The following ACSBG1 variants were observed in gnomAD, a reference collection of about 807,000 sequenced individuals.
The protein encoded by ACSBG1 is acyl-CoA synthetase bubblegum family member 1, also known as long-chain-fatty-acid--CoA ligase ACSBG1.
Under a neutral mutation model 80.2 loss-of-function variants are expected in ACSBG1, and 39 were observed. That is an observed-to-expected ratio of 0.49 (90% CI 0.38 to 0.64). The LOEUF (loss-of-function observed/expected upper bound fraction) is 0.64, where lower values mean the gene tolerates loss of function less well. ACSBG1 is among the 30% of genes least tolerant of loss of function. The probability of loss-of-function intolerance (pLI) is 0.00; values close to 1 mark genes in which losing one functional copy is unlikely to be tolerated. For synonymous variants in ACSBG1, 392 were observed against 379.5 expected (o/e 1.03, Z -0.38); for missense variants, 828 against 966.4 (o/e 0.86, Z 1.90).
chr15:78,181,779 C>T (rs1359509202), intron 8 of ACSBG1, among the ~76,000 whole-genome samples, 190 bp downstream of exon 8: 1 of 152,192 alleles, frequency 6.6e-6, no homozygotes, highest in African/African-American at 2.4e-5. Context: ...AGGCGTGAGC[C>T]ACCGTGCCCG....
At chr15:78,232,833 T>G (rs1053256091) in intron 1 of ACSBG1, among the ~76,000 whole-genome samples, 3 of 152,096 alleles carry the variant, frequency 2.0e-5, no homozygotes, top group African/African-American at 4.8e-5. Context: ...TACAGGCACG[T>G]ACCACCACCT....
chr15:78,193,868 C>CT, intron 4 of ACSBG1, 64 bp downstream of exon 4: 1 of 1,572,126 alleles, frequency 6.4e-7, no homozygotes, highest in Non-Finnish European at 8.7e-7. Context: ...GAGATAAGGA[C>CT]CCTCCCCTAC....
chr15:78,173,252 G>A (rs1335086666), intron 13 of ACSBG1, among the ~76,000 whole-genome samples: 1 of 149,876 alleles, frequency 6.7e-6, no homozygotes, highest in African/African-American at 2.5e-5. Flanking sequence ...GGCTGAGGCA[G>A]GAGAATCACT....
chr15:78,179,893 C>T, intron 9 of ACSBG1, 113 bp from the exon 10 acceptor site: 2 of 890,548 alleles, frequency 2.2e-6, no homozygotes, highest in South Asian at 1.7e-5. Context: ...AACACCCTGG[C>T]TCGGCCATTC....
At position 78,209,531 on chromosome 15, in the gene ACSBG1, A is replaced by C. The variant is rs371435564; in HGVS notation, c.132-1429T>G. Among the ~76,000 whole-genome samples, 18 of 152,226 alleles carry C rather than the reference A, an allele frequency of 1.2e-4. No homozygotes were observed. The East Asian group carries it at 3.3e-3, about 28-fold the overall frequency. ...GCAGAACTCGTCCTACTGACTTTGG[A>C]TCCTTGGTTACAGCTCTCTGGGATA... On this transcript the variant is annotated intron_variant, in intron 1 of 13. Coordinates refer to ENST00000258873, the MANE Select transcript of ACSBG1 (RefSeq NM_015162.5).
At chr15:78,218,730 G>T (rs2075332835) in intron 1 of ACSBG1, among the ~76,000 whole-genome samples, 1 of 151,434 alleles carries the variant, frequency 6.6e-6, no homozygotes, top group South Asian at 2.1e-4. Flanking sequence ...TAGTAATGGG[G>T]ATGATTGAGT....
At chr15:78,190,997 A>G (rs1331901469) in intron 5 of ACSBG1, among the ~76,000 whole-genome samples, 1 of 152,246 alleles carries the variant, frequency 6.6e-6, no homozygotes, top group Non-Finnish European at 1.5e-5. Flanking sequence ...GCAAGACTCA[A>G]CTATGTGCTG....
At chr15:78,181,886 C>T (rs768633378) in intron 8 of ACSBG1, 83 bp downstream of exon 8, 41 of 1,522,366 alleles carry the variant, frequency 2.7e-5, no homozygotes, top group Non-Finnish European at 3.6e-5. Flanking sequence ...AGCACACACA[C>T]AAATGCACTC....
At chr15:78,228,336 T>TA (rs1016874324) in intron 1 of ACSBG1, among the ~76,000 whole-genome samples, 6 of 152,054 alleles carry the variant, frequency 3.9e-5, no homozygotes, top group Non-Finnish European at 7.4e-5. Flanking sequence ...GCTGAAGAGG[T>TA]AAGTAGTGAG....
chr15:78,217,301 C>T (rs1489349934), intron 1 of ACSBG1, among the ~76,000 whole-genome samples: 2 of 152,224 alleles, frequency 1.3e-5, no homozygotes, highest in Non-Finnish European at 2.9e-5. Flanking sequence ...AGCACCCTCA[C>T]TTTACAGATG....
intron 2 of ACSBG1, among the ~76,000 whole-genome samples, chr15:78,195,714 A>G (rs912892968): frequency 6.6e-6 from 1 of 152,074 alleles, no homozygotes; most frequent in Non-Finnish European, 1.5e-5. Flanking sequence ...GGAAGCTTGG[A>G]TGGGTGGTCT....
At chr15:78,187,141 G>C (rs971792797) in intron 5 of ACSBG1, among the ~76,000 whole-genome samples, 6 of 152,158 alleles carry the variant, frequency 3.9e-5, no homozygotes, top group African/African-American at 1.2e-4. Flanking sequence ...TTGACTCTCT[G>C]AATAGACCAA....
intron 1 of ACSBG1, among the ~76,000 whole-genome samples, chr15:78,208,660 T>C (rs754462085): frequency 2.0e-5 from 3 of 152,158 alleles, no homozygotes; most frequent in Admixed American, 6.5e-5. Flanking sequence ...GGGTGCACCA[T>C]GCACCCCATG....
intron 1 of ACSBG1, among the ~76,000 whole-genome samples, chr15:78,221,234 T>C (rs562630793): frequency 6.6e-6 from 1 of 151,960 alleles, no homozygotes; most frequent in Non-Finnish European, 1.5e-5. Flanking sequence ...CAGTATTGAT[T>C]ACTATTTTCA....
At chr15:78,234,141 T>C (rs1057192855) in intron 1 of ACSBG1, among the ~76,000 whole-genome samples, 1 of 152,214 alleles carries the variant, frequency 6.6e-6, no homozygotes. Flanking sequence ...CCCCAGCTCA[T>C]ACCCCTGGGA....
chr15:78,171,331 A>T lies in ACSBG1; in HGVS notation c.*113T>A. On this transcript the variant is annotated 3_prime_UTR_variant, in exon 14 of 14. Coordinates refer to ENST00000258873, the MANE Select transcript of ACSBG1 (RefSeq NM_015162.5). Reference sequence around the variant, plus strand: ...GCCAGTGCTGTGCCCTGACCTGGAGATCTAACAGACTTGGCAGAAATGCCT... The same window carrying T: ...GCCAGTGCTGTGCCCTGACCTGGAGTTCTAACAGACTTGGCAGAAATGCCT... The T allele has an allele frequency of 1.3e-6, 1 of 787,690 alleles. No homozygotes were observed. The highest frequency in any genetic ancestry group is 2.1e-6 in the Non-Finnish European group (1 of 485,216). The allele number at this position is 787,690 out of a possible 1,614,324, so 48.8% of individuals were successfully genotyped here.
chr15:78,189,123 A>G (rs1292876794), intron 5 of ACSBG1, among the ~76,000 whole-genome samples: 22 of 151,896 alleles, frequency 1.4e-4, no homozygotes, highest in African/African-American at 5.3e-4. Context: ...ACAATGAGAT[A>G]CCATCTCACA....
At chr15:78,222,038 CA>C (rs2075363368) in intron 1 of ACSBG1, among the ~76,000 whole-genome samples, 1 of 152,206 alleles carries the variant, frequency 6.6e-6, no homozygotes, top group African/African-American at 2.4e-5. Context: ...CTTTTCCCCA[CA>C]CAACCCAAAT....
intron 11 of ACSBG1, 157 bp from the exon 12 acceptor site, chr15:78,174,681 T>G: frequency 1.2e-6 from 1 of 809,834 alleles, no homozygotes; most frequent in Non-Finnish European, 1.9e-6. Flanking sequence ...CCAAAGCAAC[T>G]CACACCTGCT....
Sources: allele counts gnomAD v4.1 joint callset (sites outside exome capture counted in the v4.1 genomes callset), GRCh38; gene constraint gnomAD v4.1.1; transcripts MANE v1.5; gene names NCBI Gene and HGNC (gene_info 2026-07-23, HGNC 2026-07-21).